ZBTB20: variants seen among roughly 807,000 people sequenced by gnomAD.
ZBTB20 encodes zinc finger and BTB domain containing 20.
A neutral mutation model predicts 56.9 loss-of-function variants in ZBTB20; 9 were observed. The ratio of observed to expected loss-of-function variants is 0.16; its 90% CI spans 0.10 to 0.28. The LOEUF is 0.28. Among genes scored for constraint, ZBTB20 ranks in the 10% least tolerant of loss-of-function variants. The pLI is 1.00. For synonymous variants in ZBTB20, 417 were observed against 420.7 expected (o/e 0.99, Z 0.11); for missense variants, 655 against 1,003.0 (o/e 0.65, Z 4.69).
intron 3 of ZBTB20, among the ~76,000 whole-genome samples, chr3:114,940,964 C>T (rs1000246685): frequency 4.1e-5 from 6 of 145,978 alleles, no homozygotes; most frequent in Admixed American, 2.6e-4. Context: ...TTAATCCAAG[C>T]CCGTTACCAG....
chr3:114,538,056 A>C (rs888537564), intron 6 of ZBTB20, among the ~76,000 whole-genome samples: 1 of 152,104 alleles, frequency 6.6e-6, no homozygotes, highest in Non-Finnish European at 1.5e-5. Context: ...ACGTGCAGCA[A>C]ACCACCATGG....
chr3:114,903,788 T>TA lies in ZBTB20; in HGVS notation c.-455-3447dup, dbSNP rs35678598. On this transcript the variant is annotated intron_variant, in intron 3 of 11. Transcript: ENST00000675478. ...GGACCAAGGTGCCGTGTAATGGTCT[T>TA]AGCAATCACATGTAGGCACTTATCA... Among the ~76,000 whole-genome samples, 1,055 of 152,156 alleles carry TA rather than the reference T, an allele frequency of 6.9e-3. 8 individuals carry two copies. The highest frequency in any genetic ancestry group is 0.011 in the Non-Finnish European group (721 of 67,962).
At chr3:114,751,394 C>A (rs2067546063) in intron 5 of ZBTB20, among the ~76,000 whole-genome samples, 3 of 152,246 alleles carry the variant, frequency 2.0e-5, no homozygotes, top group Admixed American at 2.0e-4. Flanking sequence ...CTCTTAAAAT[C>A]ACTTAAACTT....
intron 6 of ZBTB20, among the ~76,000 whole-genome samples, chr3:114,544,413 CTTTCTTTCTTTCTTTCT>C (rs1559937569): frequency 4.5e-3 from 40 of 8,920 alleles, no homozygotes; most frequent in Admixed American, 0.017. Context: ...TTTCTTCTTT[CTTTCTTTCTTTCTTTCT>C]TTCTTTCTTT....
rs548277691 is a variant in ZBTB20, at chr3:115,002,613, G to T, written c.-506-28197C>A. 4.1e-3 allele frequency among the ~76,000 whole-genome samples: 617 copies of T among 151,658 alleles called. 2 individuals are homozygous for T. Among genetic ancestry groups the T allele is most frequent in the Non-Finnish European group, 7.1e-3 (479 of 67,716 alleles). On this transcript the variant is annotated intron_variant, in intron 2 of 11. Coordinates refer to ENST00000675478, the MANE Select transcript of ZBTB20 (RefSeq NM_001348800.3). ...ATGATCAACATAATATGCCATTAGAGAATTGCAAATTAAAACAATGAGATA... is the reference window on the plus strand; with the variant it reads ...ATGATCAACATAATATGCCATTAGATAATTGCAAATTAAAACAATGAGATA...
At chr3:114,538,864 C>T (rs946855688) in intron 6 of ZBTB20, among the ~76,000 whole-genome samples, 2 of 152,146 alleles carry the variant, frequency 1.3e-5, no homozygotes, top group African/African-American at 2.4e-5. Flanking sequence ...ATTAGAGTCA[C>T]ATTCAGTCTG....
chr3:114,349,598 T>C (rs1465854739), intron 11 of ZBTB20, among the ~76,000 whole-genome samples: 1 of 152,226 alleles, frequency 6.6e-6, no homozygotes, highest in African/African-American at 2.4e-5. Context: ...ACAAAATTTT[T>C]CTTTTATTTT....
rs192147056 is a variant in ZBTB20, at chr3:114,498,198, T to C, written c.-255+2154A>G. ...CTGTGCTACCTGCTTCAAGGTAGCA[T>C]GGCAGATTATGGAGGGTTCCTCTTT... On this transcript the variant is annotated intron_variant, in intron 7 of 11. Coordinates refer to ENST00000675478, the MANE Select transcript of ZBTB20 (RefSeq NM_001348800.3). 5.9e-5 allele frequency among the ~76,000 whole-genome samples: 9 copies of C among 152,342 alleles called. No homozygotes were observed. The East Asian group carries it at 1.5e-3, about 26-fold the overall frequency.
Position 114,658,420 on chromosome 3 carries a change from G to A in ZBTB20, c.-295+35108C>T, listed in dbSNP as rs188779348. On this transcript the variant is annotated intron_variant, in intron 6 of 11. Coordinates refer to ENST00000675478, the MANE Select transcript of ZBTB20 (RefSeq NM_001348800.3). Reference sequence around the variant, plus strand: ...AAAAATAGTATTGTAACATTATTTTGTAGATCACAAAACTACAAAGTATCC... The same window carrying A: ...AAAAATAGTATTGTAACATTATTTTATAGATCACAAAACTACAAAGTATCC... The A allele has an allele frequency of 3.9e-5, 6 of 152,154 alleles. No individual in the cohort carries two copies. In the East Asian group the frequency reaches 1.2e-3, roughly 29 times the overall value. 9.4% of individuals were successfully genotyped at this position (152,154 alleles called of 1,614,324 possible).
chr3:114,456,821 A>G (rs2092047549), intron 7 of ZBTB20, among the ~76,000 whole-genome samples: 1 of 152,214 alleles, frequency 6.6e-6, no homozygotes, highest in African/African-American at 2.4e-5. Flanking sequence ...AAGACTCAGG[A>G]TGTGTATGAA....
rs186498952 is a variant in ZBTB20, at chr3:114,846,740, T to C, written c.-416-45566A>G. Among the ~76,000 whole-genome samples the C allele has an allele frequency of 1.4e-3, 218 of 152,334 alleles. 1 individual carries two copies. The highest frequency in any genetic ancestry group is 5.0e-3 in the African/African-American group (207 of 41,590). ...CTTTTCTGAACCATTCTGTGTGAAT[T>C]CAATACTGCCTGGATTTTTAAAACC... is the stretch of plus-strand genomic sequence containing the variant. On this transcript the variant is annotated intron_variant, in intron 4 of 11. Transcript: ENST00000675478.
At chr3:114,723,446 A>G (rs1230026319) in intron 5 of ZBTB20, among the ~76,000 whole-genome samples, 3 of 152,206 alleles carry the variant, frequency 2.0e-5, no homozygotes, top group Non-Finnish European at 4.4e-5. Flanking sequence ...TGGGACTTAT[A>G]TAGAGATTTT....
intron 7 of ZBTB20, among the ~76,000 whole-genome samples, chr3:114,442,059 C>T (rs954233140): frequency 2.0e-5 from 3 of 152,078 alleles, no homozygotes; most frequent in Non-Finnish European, 4.4e-5. Context: ...TGATGGAGCT[C>T]GCTGAAGACT....
chr3:114,881,280 C>T lies in ZBTB20; in HGVS notation c.-417+19024G>A, dbSNP rs536167191. Among the ~76,000 whole-genome samples, 25 of 152,136 alleles carry T rather than the reference C, an allele frequency of 1.6e-4. No homozygotes were observed. The East Asian group carries it at 4.2e-3, about 26-fold the overall frequency. On this transcript the variant is annotated intron_variant, in intron 4 of 11. Transcript: ENST00000675478. ...GTCTCCAATCTGCTTTTTATGCTTACAAAAACCATGTGAAATAATTGCCTT... is the reference window on the plus strand; with the variant it reads ...GTCTCCAATCTGCTTTTTATGCTTATAAAAACCATGTGAAATAATTGCCTT...
intron 6 of ZBTB20, among the ~76,000 whole-genome samples, chr3:114,651,577 A>C (rs1578165464): frequency 6.6e-6 from 1 of 151,250 alleles, no homozygotes; most frequent in African/African-American, 2.4e-5. Context: ...AAAAAAGGAA[A>C]AACGAAAAAG....
intron 5 of ZBTB20, among the ~76,000 whole-genome samples, chr3:114,765,013 C>T (rs774177136): frequency 2.6e-5 from 4 of 151,996 alleles, no homozygotes; most frequent in South Asian, 2.1e-4. Flanking sequence ...AAAACACTTT[C>T]GGAAGAAAGT....
chr3:114,395,311 T>C lies in ZBTB20; in HGVS notation c.-254-6206A>G, dbSNP rs539232125. Among the ~76,000 whole-genome samples the C allele has an allele frequency of 3.9e-5, 6 of 152,136 alleles. No homozygotes were observed. In the East Asian group the frequency reaches 1.2e-3, roughly 29 times the overall value. On this transcript the variant is annotated intron_variant, in intron 7 of 11. Coordinates refer to ENST00000675478, the MANE Select transcript of ZBTB20 (RefSeq NM_001348800.3). ...AAAAAAAGAGTTAGAAAGTGTAAGA[T>C]AAGAAAAGAGAAAGCAAAATCAGGA... is the stretch of plus-strand genomic sequence containing the variant.
At chr3:114,443,596 T>A (rs1430292063) in intron 7 of ZBTB20, among the ~76,000 whole-genome samples, 1 of 152,202 alleles carries the variant, frequency 6.6e-6, no homozygotes, top group East Asian at 1.9e-4. Flanking sequence ...ATATTTTTAT[T>A]AGGTTCCTGT....
chr3:114,786,888 T>C (rs1275824428), intron 5 of ZBTB20, among the ~76,000 whole-genome samples: 3 of 152,148 alleles, frequency 2.0e-5, no homozygotes, highest in Non-Finnish European at 2.9e-5. Context: ...AGTGAATTAA[T>C]GGTAAATGAT....
Sources: allele counts gnomAD v4.1 joint callset (sites outside exome capture counted in the v4.1 genomes callset), GRCh38; gene constraint gnomAD v4.1.1; transcripts MANE v1.5; gene names NCBI Gene and HGNC (gene_info 2026-07-23, HGNC 2026-07-21).